NSMCE2: variants seen among roughly 807,000 people sequenced by gnomAD.
NSMCE2 encodes NSE2 SUMO ligase component of SMC5/6 complex, also known as E3 SUMO-protein ligase NSE2.
NSMCE2 carries 24 observed loss-of-function variants against 23.8 expected under a neutral mutation model. The ratio of observed to expected loss-of-function variants is 1.01; its 90% confidence interval spans 0.73 to 1.42. The LOEUF (loss-of-function observed/expected upper bound fraction) is 1.42. Ranked by LOEUF, NSMCE2 falls within the 40% of genes most tolerant of loss-of-function variation. NSMCE2 has a pLI of 0.00. For synonymous variants in NSMCE2, 92 were observed against 94.1 expected (o/e 0.98, Z 0.13); for missense variants, 284 against 296.5 (o/e 0.96, Z 0.31).
At chr8:125,119,412 A>G (rs992961010) in intron 3 of NSMCE2, among the ~76,000 whole-genome samples, 1 of 152,218 alleles carries the variant, frequency 6.6e-6, no homozygotes, top group Non-Finnish European at 1.5e-5. Flanking sequence ...TCTGAATACC[A>G]TCTGGGTTTT....
chr8:125,150,594 C>T (rs1283422066), intron 3 of NSMCE2, among the ~76,000 whole-genome samples: 1 of 151,908 alleles, frequency 6.6e-6, no homozygotes, highest in East Asian at 1.9e-4. Flanking sequence ...GTTGGCCAGG[C>T]TGGTCTTGAA....
At chr8:125,212,282 C>G (rs1487024493) in intron 5 of NSMCE2, among the ~76,000 whole-genome samples, 1 of 151,970 alleles carries the variant, frequency 6.6e-6, no homozygotes, top group African/African-American at 2.4e-5. Context: ...TCTGGTAGCC[C>G]AGGATAGAGT....
chr8:125,228,345 G>A (rs1825185185), intron 5 of NSMCE2, among the ~76,000 whole-genome samples: 1 of 152,172 alleles, frequency 6.6e-6, no homozygotes, highest in South Asian at 2.1e-4. Context: ...TAGAATAAAA[G>A]AAGAAAAGTA....
chr8:125,309,586 G>A (rs190582760), intron 5 of NSMCE2, among the ~76,000 whole-genome samples: 7 of 152,118 alleles, frequency 4.6e-5, no homozygotes, highest in East Asian at 1.9e-4. Flanking sequence ...TTAGCCAGGC[G>A]TGGTGGCACA....
intron 4 of NSMCE2, among the ~76,000 whole-genome samples, chr8:125,156,591 A>G (rs770130594): frequency 6.6e-6 from 1 of 152,154 alleles, no homozygotes; most frequent in Non-Finnish European, 1.5e-5. Context: ...AAATTCGTTC[A>G]TGGATATGCC....
intron 5 of NSMCE2, among the ~76,000 whole-genome samples, chr8:125,282,508 G>GCAT (rs1328051320): frequency 6.6e-6 from 1 of 152,230 alleles, no homozygotes; most frequent in African/African-American, 2.4e-5. Flanking sequence ...TATGGTTGAT[G>GCAT]CATCGCATAT....
At chr8:125,217,151 GC>G (rs1322030747) in intron 5 of NSMCE2, among the ~76,000 whole-genome samples, 1 of 152,044 alleles carries the variant, frequency 6.6e-6, no homozygotes, top group Non-Finnish European at 1.5e-5. Flanking sequence ...TTACCACCAA[GC>G]TACCCCTTTG....
chr8:125,230,107 A>G (rs541799810), intron 5 of NSMCE2, among the ~76,000 whole-genome samples: 1 of 152,322 alleles, frequency 6.6e-6, no homozygotes, highest in South Asian at 2.1e-4. Flanking sequence ...AAAACCTTGC[A>G]GATTGTATGT....
chr8:125,322,854 A>C (rs1252189366), intron 5 of NSMCE2, among the ~76,000 whole-genome samples: 1 of 152,248 alleles, frequency 6.6e-6, no homozygotes, highest in Non-Finnish European at 1.5e-5. Context: ...GATATCATCA[A>C]AAATATGAAA....
intron 5 of NSMCE2, among the ~76,000 whole-genome samples, chr8:125,225,868 A>G (rs1825070160): frequency 6.6e-6 from 1 of 152,248 alleles, no homozygotes; most frequent in South Asian, 2.1e-4. Flanking sequence ...TAACTGGAGA[A>G]TGAACACATT....
At chr8:125,342,517 G>A (rs1830287316) in intron 5 of NSMCE2, among the ~76,000 whole-genome samples, 1 of 152,134 alleles carries the variant, frequency 6.6e-6, no homozygotes, top group East Asian at 1.9e-4. Context: ...TGGGTGAGAG[G>A]AAGGAAGGCT....
chr8:125,349,583 T>TAA (rs11359401), intron 5 of NSMCE2, among the ~76,000 whole-genome samples: 2 of 143,838 alleles, frequency 1.4e-5, no homozygotes, highest in African/African-American at 2.6e-5. Flanking sequence ...AGCTTGTATT[T>TAA]AAAAAAAAAA....
chr8:125,247,801 A>G lies in NSMCE2; in HGVS notation c.418+65545A>G, dbSNP rs1826052982. Among the ~76,000 whole-genome samples, 3 of 152,334 alleles carry G rather than the reference A, an allele frequency of 2.0e-5. No individual in the cohort carries two copies. In the East Asian group the frequency reaches 5.8e-4, roughly 29 times the overall value. ...GAAAAATCCATAAAATGGTAACCACATTAAGAGATCAAGAGGAAAGCCATT... is the reference window on the plus strand; with the variant it reads ...GAAAAATCCATAAAATGGTAACCACGTTAAGAGATCAAGAGGAAAGCCATT... On this transcript the variant is annotated intron_variant, in intron 5 of 7. Coordinates refer to ENST00000287437, the MANE Select transcript of NSMCE2 (RefSeq NM_173685.4).
intron 5 of NSMCE2, among the ~76,000 whole-genome samples, chr8:125,219,986 G>T (rs768723623): frequency 6.6e-6 from 1 of 152,174 alleles, no homozygotes; most frequent in Non-Finnish European, 1.5e-5. Context: ...TGTATGACTT[G>T]TAAACTTCCC....
At chr8:125,182,520 G>A (rs1409009485) in intron 5 of NSMCE2, 7 of 463,414 alleles carry the variant, frequency 1.5e-5, no homozygotes, top group South Asian at 9.2e-5. Context: ...CCCATTGCTG[G>A]GGAGGGAAAT....
chr8:125,265,218 C>CTT (rs1213030919), intron 5 of NSMCE2, among the ~76,000 whole-genome samples: 4 of 142,306 alleles, frequency 2.8e-5, no homozygotes, highest in Admixed American at 7.0e-5. Flanking sequence ...ATTATCATTA[C>CTT]TTTTTTTTTT....
chr8:125,208,448 T>A (rs766740552), intron 5 of NSMCE2, among the ~76,000 whole-genome samples: 21 of 152,210 alleles, frequency 1.4e-4, no homozygotes, highest in Non-Finnish European at 2.6e-4. Flanking sequence ...ATAGCATGGG[T>A]AAAATTTATA....
At chr8:125,260,712 C>T (rs1272583502) in intron 5 of NSMCE2, among the ~76,000 whole-genome samples, 1 of 151,778 alleles carries the variant, frequency 6.6e-6, no homozygotes, top group Non-Finnish European at 1.5e-5. Context: ...GCAACCTCCA[C>T]CTCCCAGGTT....
At chr8:125,191,359 T>G (rs1823335461) in intron 5 of NSMCE2, among the ~76,000 whole-genome samples, 1 of 152,240 alleles carries the variant, frequency 6.6e-6, no homozygotes, top group Non-Finnish European at 1.5e-5. Context: ...TTGAAAACAC[T>G]TTTGTGTGTT....
Sources: allele counts gnomAD v4.1 joint callset (sites outside exome capture counted in the v4.1 genomes callset), GRCh38; gene constraint gnomAD v4.1.1; transcripts MANE v1.5; gene names NCBI Gene and HGNC (gene_info 2026-07-23, HGNC 2026-07-21).